The following SATB2 variants were observed in gnomAD, a reference collection of about 807,000 sequenced individuals.
SATB2 encodes SATB homeobox 2.
A neutral mutation model predicts 73.4 loss-of-function variants in SATB2; 1 was observed. The observed-to-expected ratio is 0.01, with a 90% CI of 0.00 to 0.06. SATB2 has a LOEUF of 0.06. Ranked by LOEUF, SATB2 falls within the 10% of genes least tolerant of loss-of-function variation. SATB2 has a pLI of 1.00. For missense variants in SATB2, 459 were observed against 945.8 expected (o/e 0.49, Z 6.75); for synonymous variants, 397 against 367.0 (o/e 1.08, Z -0.93).
chr2:199,417,036 T>A (rs796406760), intron 3 of SATB2, among the ~76,000 whole-genome samples: 1,605 of 144,226 alleles, frequency 0.011, 30 homozygotes, highest in African/African-American at 0.038. Flanking sequence ...ACTCCGTCTC[T>A]CACACACACA....
chr2:199,358,040 A>G (rs966023742), intron 6 of SATB2, among the ~76,000 whole-genome samples: 2 of 152,134 alleles, frequency 1.3e-5, no homozygotes, highest in Non-Finnish European at 2.9e-5. Flanking sequence ...TGGCAATTCC[A>G]TATGCTTCCA....
At chr2:199,417,866 T>A (rs1409929892) in intron 3 of SATB2, among the ~76,000 whole-genome samples, 1 of 152,158 alleles carries the variant, frequency 6.6e-6, no homozygotes, top group East Asian at 1.9e-4. Flanking sequence ...GTTGATGCAG[T>A]CATGGAATAG....
At chr2:199,343,923 C>A (rs151072664) in intron 7 of SATB2, among the ~76,000 whole-genome samples, 20 of 152,140 alleles carry the variant, frequency 1.3e-4, no homozygotes, top group African/African-American at 4.8e-4. Flanking sequence ...AAGATGGCAA[C>A]GCCAAAGAAA....
intron 3 of SATB2, among the ~76,000 whole-genome samples, chr2:199,414,393 G>C (rs1690912802): frequency 6.6e-6 from 1 of 152,110 alleles, no homozygotes; most frequent in Admixed American, 6.5e-5. Flanking sequence ...TGTTGTACTG[G>C]TACGGGAACT....
chr2:199,309,794 A>C (rs1388571090), intron 9 of SATB2, among the ~76,000 whole-genome samples: 1 of 152,246 alleles, frequency 6.6e-6, no homozygotes, highest in East Asian at 1.9e-4. Context: ...AATTTTAAAA[A>C]CAAGAACTGT....
chr2:199,346,329 T>C (rs1417108503), intron 7 of SATB2, among the ~76,000 whole-genome samples: 2 of 151,928 alleles, frequency 1.3e-5, no homozygotes, highest in Non-Finnish European at 2.9e-5. Flanking sequence ...TTTGTATTTT[T>C]AGTGGAGACG....
At position 199,456,087 on chromosome 2, in the gene SATB2, G is replaced by A. The variant is rs764712165; in HGVS notation, c.-50C>T. On this transcript the variant is annotated 5_prime_UTR_variant, in exon 2 of 11. Coordinates refer to ENST00000417098, the MANE Select transcript of SATB2 (RefSeq NM_001172509.2). ...TCCCACCGGCAGGTCGCAATAAAACGCACAGGGACCTAGGGAGGGGGTGGG... is the reference window on the plus strand; with the variant it reads ...TCCCACCGGCAGGTCGCAATAAAACACACAGGGACCTAGGGAGGGGGTGGG... The A allele has an allele frequency of 1.2e-5, 8 of 641,164 alleles. No homozygotes were observed. The highest frequency in any genetic ancestry group is 1.0e-4 in the African/African-American group (5 of 49,622). 39.7% of individuals were successfully genotyped at this position (641,164 alleles called of 1,614,324 possible). A position where few individuals can be genotyped will look rare whatever the true frequency, so the allele number is the denominator to read the frequency against.
intron 10 of SATB2, among the ~76,000 whole-genome samples, chr2:199,279,483 G>A (rs1409004031): frequency 6.6e-6 from 1 of 152,160 alleles, no homozygotes; most frequent in Non-Finnish European, 1.5e-5. Context: ...GTATCATTAT[G>A]GGGTGAGCTG....
At chr2:199,415,001 C>G (rs1690932117) in intron 3 of SATB2, among the ~76,000 whole-genome samples, 1 of 152,118 alleles carries the variant, frequency 6.6e-6, no homozygotes, top group Non-Finnish European at 1.5e-5. Context: ...GCATGAAGTT[C>G]AGGTTGCAAA....
intron 6 of SATB2, among the ~76,000 whole-genome samples, chr2:199,353,741 T>C (rs1004445899): frequency 6.6e-6 from 1 of 152,124 alleles, no homozygotes; most frequent in African/African-American, 2.4e-5. Flanking sequence ...TCCTTTCCCT[T>C]CTTTCTTTTA....
intron 3 of SATB2, among the ~76,000 whole-genome samples, chr2:199,421,735 C>T (rs1691176770): frequency 6.6e-6 from 1 of 152,164 alleles, no homozygotes; most frequent in Non-Finnish European, 1.5e-5. Flanking sequence ...AGTTTCCTGA[C>T]ACAATGTCTT....
intron 3 of SATB2, among the ~76,000 whole-genome samples, chr2:199,419,226 C>A (rs547487421): frequency 1.3e-5 from 2 of 152,168 alleles, no homozygotes; most frequent in African/African-American, 4.8e-5. Flanking sequence ...CCTTCCACCA[C>A]CACAGAGGCC....
intron 10 of SATB2, among the ~76,000 whole-genome samples, chr2:199,289,950 C>T (rs552854696): frequency 6.6e-6 from 1 of 152,326 alleles, no homozygotes; most frequent in East Asian, 1.9e-4. Flanking sequence ...CCCAACAGGC[C>T]TCCCTGTCAC....
chr2:199,375,433 CCAGA>C (rs1221877197), intron 5 of SATB2, among the ~76,000 whole-genome samples: 2 of 152,132 alleles, frequency 1.3e-5, no homozygotes, highest in African/African-American at 4.8e-5. Context: ...AAGCATCTGG[CCAGA>C]CAGAGAACGG....
chr2:199,282,344 G>T (rs1692550205), intron 10 of SATB2, among the ~76,000 whole-genome samples: 1 of 151,992 alleles, frequency 6.6e-6, no homozygotes, highest in East Asian at 1.9e-4. Flanking sequence ...TGAGAGTAGG[G>T]ATATAATTCT....
At chr2:199,448,610 TAG>T (rs1184271020) in intron 2 of SATB2, among the ~76,000 whole-genome samples, 1 of 152,194 alleles carries the variant, frequency 6.6e-6, no homozygotes, top group Non-Finnish European at 1.5e-5. Flanking sequence ...TTGCTCTAAC[TAG>T]AGTCTCTTAT....
chr2:199,386,864 T>G (rs1453396033), intron 3 of SATB2, among the ~76,000 whole-genome samples: 1 of 152,130 alleles, frequency 6.6e-6, no homozygotes, highest in Non-Finnish European at 1.5e-5. Flanking sequence ...TCTAGAGTAC[T>G]GATCCCCAAT....
At chr2:199,386,472 C>T (rs930020488) in intron 3 of SATB2, among the ~76,000 whole-genome samples, 3 of 152,254 alleles carry the variant, frequency 2.0e-5, no homozygotes, top group Admixed American at 6.5e-5. Flanking sequence ...GCAGACCACA[C>T]CAATCACTCC....
At chr2:199,466,450 G>C (rs1226678516), upstream of SATB2, among the ~76,000 whole-genome samples, 1 of 152,200 alleles carries the variant, frequency 6.6e-6, no homozygotes, top group African/African-American at 2.4e-5. Context: ...TTGGTGACCA[G>C]CCCTTGTCCC....
Sources: gnomAD v4.1 joint callset for allele counts (sites outside exome capture counted in the v4.1 genomes callset) on GRCh38, gnomAD v4.1.1 for gene constraint, MANE v1.5 for transcripts, NCBI Gene and HGNC (gene_info 2026-07-23, HGNC 2026-07-21) for gene names.